Variants in UHRF1 observed in about 807,000 individuals in gnomAD.
UHRF1 encodes ubiquitin like with PHD and ring finger domains 1.
A neutral mutation model predicts 96.5 loss-of-function variants in UHRF1; 9 were observed. The observed-to-expected ratio is 0.09, with a 90% confidence interval of 0.06 to 0.16. UHRF1 has a LOEUF of 0.16. UHRF1 is among the 10% of genes least tolerant of loss of function. UHRF1 has a pLI of 1.00. For synonymous variants in UHRF1, 455 were observed against 469.9 expected (o/e 0.97, Z 0.41); for missense variants, 626 against 1,131.1 (o/e 0.55, Z 6.40).
At chr19:4,909,331 A>C (rs1483233177), upstream of UHRF1, 8 of 579,994 alleles carry the variant, frequency 1.4e-5, no homozygotes, top group Non-Finnish European at 2.1e-5. Flanking sequence ...GGCTGGGCGG[A>C]GCCGTGGCCC....
At chr19:4,905,506 A>ATTATTTATTTAT (rs530528534), upstream of UHRF1, among the ~76,000 whole-genome samples, 1 of 149,446 alleles carries the variant, frequency 6.7e-6, no homozygotes, top group Admixed American at 6.7e-5. Flanking sequence ...AGTGTATTTT[A>ATTATTTATTTAT]TTATTTATTT....
At chr19:4,921,345 A>G (rs2032697445) in intron 2 of UHRF1, among the ~76,000 whole-genome samples, 2 of 152,284 alleles carry the variant, frequency 1.3e-5, no homozygotes, top group South Asian at 4.1e-4. Flanking sequence ...AGGCTGAGGC[A>G]GGAGAATTGC....
chr19:4,928,513 C>A (rs980073528), intron 2 of UHRF1, among the ~76,000 whole-genome samples: 1 of 152,184 alleles, frequency 6.6e-6, no homozygotes, highest in Non-Finnish European at 1.5e-5. Flanking sequence ...TGGAGCCAGG[C>A]CCCAGGGGTT....
At chr19:4,946,716 A>G (rs1333924767) in intron 10 of UHRF1, among the ~76,000 whole-genome samples, 3 of 152,038 alleles carry the variant, frequency 2.0e-5, no homozygotes, top group Non-Finnish European at 1.5e-5. Flanking sequence ...CTGGGACTAC[A>G]GGCAGGCACT....
chr19:4,927,020 C>T (rs2032893785), intron 2 of UHRF1, among the ~76,000 whole-genome samples: 1 of 151,952 alleles, frequency 6.6e-6, no homozygotes, highest in African/African-American at 2.4e-5. Flanking sequence ...AAGATCGTGC[C>T]ACTGCACTCC....
chr19:4,948,612 G>A (rs262552), intron 11 of UHRF1, among the ~76,000 whole-genome samples: 1,600 of 151,964 alleles, frequency 0.011, 33 homozygotes, highest in African/African-American at 0.037. Flanking sequence ...GACTAGCCTG[G>A]CCAACATGGT....
At chr19:4,904,684 A>G (rs1312608918), upstream of UHRF1, among the ~76,000 whole-genome samples, 2 of 152,222 alleles carry the variant, frequency 1.3e-5, no homozygotes, top group East Asian at 3.9e-4. Flanking sequence ...GACCTTGTCT[A>G]AGTGAACTTT....
chr19:4,956,541 G>A (rs777784590), intron 15 of UHRF1, among the ~76,000 whole-genome samples, 168 bp from the exon 16 acceptor site: 1 of 152,216 alleles, frequency 6.6e-6, no homozygotes, highest in Non-Finnish European at 1.5e-5. Flanking sequence ...GCTCATGCCT[G>A]TTGGGCCTCT....
chr19:4,941,092 T>TGTTTTTTTG (rs1334266744), intron 5 of UHRF1, among the ~76,000 whole-genome samples: 6 of 139,010 alleles, frequency 4.3e-5, no homozygotes, highest in African/African-American at 1.6e-4. Context: ...TTTGTTTTTT[T>TGTTTTTTTG]TTTTTTTTTT....
chr19:4,915,972 A>G (rs1434411153), intron 2 of UHRF1, among the ~76,000 whole-genome samples: 1 of 152,162 alleles, frequency 6.6e-6, no homozygotes, highest in Admixed American at 6.5e-5. Flanking sequence ...CAATAGCCCC[A>G]GGAGCCTGTG....
chr19:4,917,652 CA>C (rs754990585), intron 2 of UHRF1, among the ~76,000 whole-genome samples: 1,037 of 34,342 alleles, frequency 0.03, 5 homozygotes, highest in African/African-American at 0.075. Flanking sequence ...GACTCCGTCT[CA>C]AAAAAAAAAA....
At chr19:4,926,187 C>T (rs548926863) in intron 2 of UHRF1, among the ~76,000 whole-genome samples, 2 of 152,342 alleles carry the variant, frequency 1.3e-5, no homozygotes, top group African/African-American at 4.8e-5. Flanking sequence ...AGCCACCGCA[C>T]CCAGCCTCAA....
At chr19:4,928,854 A>T (rs2032954928) in intron 2 of UHRF1, among the ~76,000 whole-genome samples, 1 of 152,210 alleles carries the variant, frequency 6.6e-6, no homozygotes, top group South Asian at 2.1e-4. Flanking sequence ...GTTGAGAAGC[A>T]GTGACAGAGG....
At position 4,951,283 on chromosome 19, in the gene UHRF1, G is replaced by A. The variant is rs147898289; in HGVS notation, c.1818+287G>A. Among the ~76,000 whole-genome samples, 15 of 152,138 alleles carry A rather than the reference G, an allele frequency of 9.9e-5. 1 individual carries two copies. Among genetic ancestry groups the A allele is most frequent in the South Asian group, 6.2e-4 (3 of 4,812 alleles). ...TCCATCTCAAAACAGGAGCACTGCC[G>A]GGCTCCATGACGGCTCTGACACTTC... is the stretch of plus-strand genomic sequence containing the variant. On this transcript the variant is annotated intron_variant, in intron 13 of 16. Coordinates refer to ENST00000650932, the MANE Select transcript of UHRF1 (RefSeq NM_001048201.3).
chr19:4,932,318 T>A (rs1476711850), intron 4 of UHRF1, among the ~76,000 whole-genome samples: 1 of 152,240 alleles, frequency 6.6e-6, no homozygotes, highest in Admixed American at 6.5e-5. Flanking sequence ...TCTTCCCGCT[T>A]CGGCCTCCCA....
Position 4,932,807 on chromosome 19 carries a change from C to G in UHRF1, c.636C>G (p.Ile212Met). 1 of 1,613,948 alleles carries G rather than the reference C, an allele frequency of 6.2e-7. No individual in the cohort carries two copies. The highest frequency in any genetic ancestry group is 1.7e-5 in the Admixed American group (1 of 60,026). ...TCCGAGCGCGCGCCCGCACCATCATCAAGTGGCAGGACCTGGAGGTGGGCC... is the reference window on the plus strand; with the variant it reads ...TCCGAGCGCGCGCCCGCACCATCATGAAGTGGCAGGACCTGGAGGTGGGCC... Reference protein sequence around the residue: ...RDVRARARTIIKWQDLEVGQV... With the variant: ...RDVRARARTIMKWQDLEVGQV... Residue 212 changes from isoleucine (I) to methionine (M), a missense_variant, in exon 5 of 17, where the codon ATC (isoleucine) becomes ATG (methionine). Around this residue, in one of 11 missense-constraint regions of UHRF1, gnomAD observed 198 missense variants for 235.1 expected, o/e 0.84. Transcript: ENST00000650932.
chr19:4,916,773 G>A (rs1160920465), intron 2 of UHRF1, among the ~76,000 whole-genome samples: 1 of 152,198 alleles, frequency 6.6e-6, no homozygotes, highest in African/African-American at 2.4e-5. Flanking sequence ...CGCTGAGACG[G>A]GCCAGCAGGA....
chr19:4,924,740 A>G (rs2032813521), intron 2 of UHRF1, among the ~76,000 whole-genome samples: 1 of 151,780 alleles, frequency 6.6e-6, no homozygotes, highest in East Asian at 1.9e-4. Context: ...CATCGGTTAC[A>G]GTTGATGGCC....
Position 4,929,416 on chromosome 19 carries a change from G to A in UHRF1, c.348G>A (p.Glu116=). 6.2e-7 allele frequency: 1 copy of A among 1,613,796 alleles called. No individual in the cohort carries two copies. Among genetic ancestry groups the A allele is most frequent in the African/African-American group, 1.3e-5 (1 of 75,050 alleles). ...KSSTHGEAAA[E]TDSRPADEDM... is the part of the protein sequence containing the mutation. ...CCACCCACGGTGAGGCGGCCGCCGAGACTGACAGCAGGCCAGCCGATGAGG... is the reference window on the plus strand; with the variant it reads ...CCACCCACGGTGAGGCGGCCGCCGAAACTGACAGCAGGCCAGCCGATGAGG... The change falls in exon 3 of 17, where the codon GAG becomes GAA. Residue 116 remains glutamate, a synonymous_variant. Coordinates refer to ENST00000650932, the MANE Select transcript of UHRF1 (RefSeq NM_001048201.3).
Sources: allele counts gnomAD v4.1 joint callset (sites outside exome capture counted in the v4.1 genomes callset), GRCh38; gene constraint gnomAD v4.1.1; regional missense constraint gnomAD v4.1.1; transcripts MANE v1.5; gene names NCBI Gene and HGNC (gene_info 2026-07-23, HGNC 2026-07-21).